The following SYT6 variants were observed in gnomAD, a reference collection of about 807,000 sequenced individuals.
The protein encoded by SYT6 is synaptotagmin 6.
Under a neutral mutation model 38.4 loss-of-function variants are expected in SYT6, and 24 were observed. The observed-to-expected ratio is 0.62, with a 90% confidence interval of 0.45 to 0.88. The LOEUF is 0.88. Among genes scored for constraint, SYT6 ranks in the 40% least tolerant of loss-of-function variants. The probability of loss-of-function intolerance (pLI) is 0.00; values close to 1 mark genes in which losing one functional copy is unlikely to be tolerated. For missense variants in SYT6, 611 were observed against 621.0 expected, an observed-to-expected ratio of 0.98 and a Z score of 0.17; for synonymous variants, 265 against 241.9, an observed-to-expected ratio of 1.10 and a Z score of -0.89.
intron 4 of SYT6, 99 bp from the exon 5 acceptor site, chr1:114,099,364 T>C: frequency 8.0e-7 from 1 of 1,254,428 alleles, no homozygotes; most frequent in South Asian, 1.6e-5. Context: ...GACCTACTGC[T>C]GCTCATCAGA....
intron 3 of SYT6, among the ~76,000 whole-genome samples, chr1:114,104,259 G>A (rs1280349039): frequency 6.6e-6 from 1 of 152,314 alleles, no homozygotes; most frequent in East Asian, 1.9e-4. Context: ...GCCAACCAAG[G>A]AGACAAACAC....
chr1:114,093,708 G>A lies in SYT6; in HGVS notation c.*51+27C>T, dbSNP rs551728738. On this transcript the variant is annotated intron_variant, in intron 7 of 7. Transcript: ENST00000610222. Reference sequence around the variant, plus strand: ...GACAAAAGGTAATAAGCAACCTAACGTCTTTGGGTCCACACCAGGTACTTA... The same window carrying A: ...GACAAAAGGTAATAAGCAACCTAACATCTTTGGGTCCACACCAGGTACTTA... 18 of 1,607,042 alleles carry A rather than the reference G, an allele frequency of 1.1e-5. 1 individual carries two copies. The highest frequency in any genetic ancestry group is 1.7e-4 in the Middle Eastern group (1 of 6,010).
intron 4 of SYT6, 72 bp downstream of exon 4, chr1:114,103,529 C>G (rs1676087675): frequency 6.3e-7 from 1 of 1,583,974 alleles, no homozygotes; most frequent in Non-Finnish European, 8.6e-7. Flanking sequence ...AATTCTTTCT[C>G]CTTCTCCCCG....
chr1:114,122,642 G>C (rs1369322614), intron 3 of SYT6, among the ~76,000 whole-genome samples: 1 of 152,196 alleles, frequency 6.6e-6, no homozygotes, highest in African/African-American at 2.4e-5. Flanking sequence ...CGCAGCCAGA[G>C]TTTCTCTGGT....
intron 7 of SYT6, 84 bp from the exon 8 acceptor site, chr1:114,092,166 G>T: frequency 1.6e-6 from 2 of 1,269,438 alleles, no homozygotes; most frequent in South Asian, 1.4e-5. Context: ...CCAATGCACT[G>T]AATTCACCTT....
At chr1:114,101,261 C>A (rs1675951656) in intron 4 of SYT6, among the ~76,000 whole-genome samples, 4 of 152,224 alleles carry the variant, frequency 2.6e-5, no homozygotes, top group Admixed American at 2.6e-4. Context: ...ATCCATGAAG[C>A]CAAGCAGACA....
intron 6 of SYT6, among the ~76,000 whole-genome samples, chr1:114,095,114 C>A (rs1025076812): frequency 1.3e-5 from 2 of 152,132 alleles, no homozygotes; most frequent in Admixed American, 6.5e-5. Flanking sequence ...ATGGCAGGAT[C>A]GTGCGTGGGG....
rs575880341 is a variant in SYT6, at chr1:114,090,097, C to A, written c.*2037G>T. ...TCTGGACTCCTTATGACCCAGGGAA[C>A]TCAGTTGTCTCCTTTGTAATGGCAA... On this transcript the variant is annotated 3_prime_UTR_variant, in exon 8 of 8. Transcript: ENST00000610222. 5 of 152,462 alleles carry A rather than the reference C, an allele frequency of 3.3e-5. No homozygotes were observed. The highest frequency in any genetic ancestry group is 3.4e-3 in the Middle Eastern group (1 of 294). 9.4% of individuals were successfully genotyped at this position (152,462 alleles called of 1,614,324 possible).
intron 3 of SYT6, among the ~76,000 whole-genome samples, chr1:114,131,983 T>A (rs893994175): frequency 6.6e-6 from 1 of 152,240 alleles, no homozygotes. Flanking sequence ...AATGTAACCA[T>A]GCTTCCCTCT....
chr1:114,119,103 T>C lies in SYT6; in HGVS notation c.1072-15382A>G, dbSNP rs188731115. On this transcript the variant is annotated intron_variant, in intron 3 of 7. Transcript: ENST00000610222. ...TTCCCAGCCAAGCCCCTTCTGCAGT[T>C]AGTAGTTGAAGTGTAAAGCCCTCTC... is the stretch of plus-strand genomic sequence containing the variant. 1.5e-3 allele frequency among the ~76,000 whole-genome samples: 232 copies of C among 152,304 alleles called. 1 individual carries two copies. Among genetic ancestry groups the C allele is most frequent in the South Asian group, 3.1e-3 (15 of 4,824 alleles).
chr1:114,093,704 T>C (rs756739891), intron 7 of SYT6, 31 bp downstream of exon 7: 32 of 1,604,274 alleles, frequency 2.0e-5, no homozygotes, highest in Non-Finnish European at 2.6e-5. Flanking sequence ...ATAAGCAACC[T>C]AACGTCTTTG....
rs1557756345 is a variant in SYT6, at chr1:114,129,624, T to TCTTTC, written c.1071+7866_1071+7870dup. On this transcript the variant is annotated intron_variant, in intron 3 of 7. Transcript: ENST00000610222. ...TCTTTCTTTCTTTCTTTCCTTTCTT[T>TCTTTC]CTTTCTTTCTTTCTTTCTCTTTCTT... Among the ~76,000 whole-genome samples, 546 of 104,250 alleles carry TCTTTC rather than the reference T, an allele frequency of 5.2e-3. 1 individual carries two copies. Among genetic ancestry groups the TCTTTC allele is most frequent in the Middle Eastern group, 0.014 (3 of 210 alleles). The allele number at this position is 104,250 out of a possible 152,430, so 68.4% of individuals were successfully genotyped here. A position where few individuals can be genotyped will look rare whatever the true frequency, so the allele number is the denominator to read the frequency against.
intron 1 of SYT6, among the ~76,000 whole-genome samples, chr1:114,143,748 G>A (rs1679001135): frequency 6.6e-6 from 1 of 152,210 alleles, no homozygotes; most frequent in Non-Finnish European, 1.5e-5. Context: ...CTATTCAAGA[G>A]CTTTGCTGTA....
intron 5 of SYT6, among the ~76,000 whole-genome samples, 166 bp downstream of exon 5, chr1:114,098,928 C>T (rs1284629879): frequency 6.6e-6 from 1 of 152,208 alleles, no homozygotes; most frequent in Non-Finnish European, 1.5e-5. Context: ...AAGGGAGAAT[C>T]TATGCTCTTC....
intron 1 of SYT6, among the ~76,000 whole-genome samples, chr1:114,147,971 C>T (rs555533898): frequency 2.0e-5 from 3 of 152,258 alleles, no homozygotes; most frequent in African/African-American, 7.2e-5. Flanking sequence ...AAGGGAGACT[C>T]CAGATCAGAG....
At chr1:114,127,795 T>C (rs563607549) in intron 3 of SYT6, among the ~76,000 whole-genome samples, 1 of 152,342 alleles carries the variant, frequency 6.6e-6, no homozygotes, top group African/African-American at 2.4e-5. Context: ...TAGGATGCAC[T>C]GGACATTTCC....
rs147402577 is a variant in SYT6, at chr1:114,137,795, A to G, written c.771T>C (p.Pro257=). The stretch of plus-strand genomic sequence containing the variant: ...CAGAGCTTCCACAAAAGTCCTTGGC[A>G]GGGAGGTCAAAAGCCTTCAGGATAC... ...IVRILKAFDL[P]AKDFCGSSDP... Residue 257 remains proline, a synonymous_variant, in exon 3 of 8, where the codon CCT becomes CCC. Transcript: ENST00000610222. The G allele has an allele frequency of 8.2e-5, 133 of 1,614,116 alleles. No individual in the cohort carries two copies. In the African/African-American group the frequency reaches 1.5e-3, roughly 18 times the overall value.
At chr1:114,100,188 G>A (rs1489140897) in intron 4 of SYT6, among the ~76,000 whole-genome samples, 1 of 152,034 alleles carries the variant, frequency 6.6e-6, no homozygotes, top group Non-Finnish European at 1.5e-5. Flanking sequence ...CAGGTGTCTC[G>A]GTCACCATCA....
At position 114,089,485 on chromosome 1, in the gene SYT6, A is replaced by G. The variant is rs1319802113; in HGVS notation, c.*2649T>C. 1 of 152,500 alleles carries G rather than the reference A, an allele frequency of 6.6e-6. No homozygotes were observed. Among genetic ancestry groups the G allele is most frequent in the Non-Finnish European group, 1.5e-5 (1 of 68,040 alleles). 9.4% of individuals were successfully genotyped at this position (152,500 alleles called of 1,614,324 possible). On this transcript the variant is annotated 3_prime_UTR_variant, in exon 8 of 8. Transcript: ENST00000610222. ...TAAATAAAGGAGAAGGGAACTTTTCATGTTTTTTAAAAAAACCTATGTGCA... is the reference window on the plus strand; with the variant it reads ...TAAATAAAGGAGAAGGGAACTTTTCGTGTTTTTTAAAAAAACCTATGTGCA...
Sources: gnomAD v4.1 joint callset for allele counts (sites outside exome capture counted in the v4.1 genomes callset) on GRCh38, gnomAD v4.1.1 for gene constraint, MANE v1.5 for transcripts, NCBI Gene and HGNC (gene_info 2026-07-23, HGNC 2026-07-21) for gene names.